Variants in PLEKHG1 observed in about 807,000 individuals in gnomAD.
PLEKHG1 encodes the protein pleckstrin homology domain-containing family G member 1.
In PLEKHG1, 44 loss-of-function variants were observed where a neutral mutation model predicts 100.8. The observed-to-expected ratio is 0.44, with a 90% CI of 0.34 to 0.56. The LOEUF (loss-of-function observed/expected upper bound fraction) is 0.56. PLEKHG1 is among the 20% of genes least tolerant of loss of function. PLEKHG1 has a pLI of 0.01. For missense variants in PLEKHG1, 1,545 were observed against 1,720.9 expected (o/e 0.90, Z 1.81); for synonymous variants, 640 against 662.5 (o/e 0.97, Z 0.52).
chr6:150,743,500 T>G (rs1782990337), intron 2 of PLEKHG1, among the ~76,000 whole-genome samples: 1 of 152,220 alleles, frequency 6.6e-6, no homozygotes, highest in Admixed American at 6.5e-5. Context: ...CACTCCAGCC[T>G]GGGCAACGGA....
exon 6 of PLEKHG1, chr6:150,800,725 G>A: frequency 6.2e-7 from 1 of 1,613,754 alleles, no homozygotes; most frequent in Non-Finnish European, 8.5e-7. Flanking sequence ...GCAGGTCCGT[G>A]GCTGTGCTAA....
intron 4 of PLEKHG1, among the ~76,000 whole-genome samples, chr6:150,788,275 C>T (rs1785752820): frequency 6.6e-6 from 1 of 152,218 alleles, no homozygotes; most frequent in South Asian, 2.1e-4. Context: ...GCCTGCCTTT[C>T]ACTCAGCAGC....
intron 1 of PLEKHG1, among the ~76,000 whole-genome samples, chr6:150,633,728 G>T (rs1484771818): frequency 6.6e-6 from 1 of 152,144 alleles, no homozygotes; most frequent in African/African-American, 2.4e-5. Context: ...AGATACTAAT[G>T]GCCGAGGGGA....
At chr6:150,839,976 A>G (rs1226890436) in exon 16 of PLEKHG1, 1 of 1,613,960 alleles carries the variant, frequency 6.2e-7, no homozygotes, top group South Asian at 1.1e-5. Context: ...CCACCATGGT[A>G]GTGGAGACTG....
In PLEKHG1 at chr6:150,600,034, C is replaced by A; in HGVS notation, c.-204+17C>A. On this transcript the variant is annotated intron_variant, in intron 1 of 3. Transcript: ENST00000367326. The surrounding 1 kb of genome is among the most constrained non-coding windows in gnomAD (Gnocchi z 6.2). ...CCTCCCCGGGTAAGCGCCGGTCGGG[C>A]CCGGACGCCCTGGGGACTTTTCCAG... 1 of 222,204 alleles carries A rather than the reference C, an allele frequency of 4.5e-6. No homozygotes were observed. Among genetic ancestry groups the A allele is most frequent in the South Asian group, 4.1e-5 (1 of 24,494 alleles). The allele number at this position is 222,204 out of a possible 1,614,324, so 13.8% of individuals were successfully genotyped here. A position where few individuals can be genotyped will look rare whatever the true frequency, so the allele number is the denominator to read the frequency against.
intron 4 of PLEKHG1, among the ~76,000 whole-genome samples, chr6:150,788,908 C>T (rs1022123866): frequency 6.6e-6 from 1 of 152,204 alleles, no homozygotes; most frequent in Non-Finnish European, 1.5e-5. Flanking sequence ...CACAAGCATG[C>T]ACATGTACCA....
In PLEKHG1 at chr6:150,821,297, AAAAT is replaced by A. The variant is rs1404920034; in HGVS notation, c.1447+74_1447+77del. On this transcript the variant is annotated intron_variant, in intron 13 of 15. Transcript: ENST00000358517. ...GATATTCACTAAATCAAACCACACA[AAAAT>A]AAATAAATACCAGATAAATTACATA... The A allele has an allele frequency of 5.7e-5, 57 of 1,000,336 alleles. No individual in the cohort carries two copies. In the Admixed American group the frequency reaches 7.7e-4, roughly 13 times the overall value. 62.0% of individuals were successfully genotyped at this position (1,000,336 alleles called of 1,614,324 possible).
At chr6:150,759,927 TC>T (rs1220777581) in intron 2 of PLEKHG1, among the ~76,000 whole-genome samples, 21 of 152,198 alleles carry the variant, frequency 1.4e-4, no homozygotes, top group Admixed American at 9.8e-4. Flanking sequence ...AGGCAGGATT[TC>T]CAGGTTGCAG....
Position 150,625,365 on chromosome 6 carries a change from T to A in PLEKHG1, c.-203-12715T>A, listed in dbSNP as rs1022570928. Reference sequence around the variant, plus strand: ...AGGCCTCCTTTGCTTGCAGATACTGTCTTCTCCCTGTGTCGTTACATGGTG... The same window carrying A: ...AGGCCTCCTTTGCTTGCAGATACTGACTTCTCCCTGTGTCGTTACATGGTG... On this transcript the variant is annotated intron_variant, in intron 1 of 3. Transcript: ENST00000367326. Among the ~76,000 whole-genome samples, 3 of 152,184 alleles carry A rather than the reference T, an allele frequency of 2.0e-5. 1 individual carries two copies. The South Asian group carries it at 6.2e-4, about 32-fold the overall frequency.
intron 2 of PLEKHG1, among the ~76,000 whole-genome samples, chr6:150,764,730 C>T (rs569581003): frequency 1.4e-3 from 212 of 152,224 alleles, no homozygotes; most frequent in Non-Finnish European, 2.5e-3. Context: ...TTCCTCCTTT[C>T]GCTGTGTTGA....
intron 1 of PLEKHG1, among the ~76,000 whole-genome samples, chr6:150,625,310 G>A (rs551623053): frequency 6.6e-6 from 1 of 152,050 alleles, no homozygotes; most frequent in Admixed American, 6.5e-5. Flanking sequence ...GTGTTAGCAG[G>A]GTTGTTTCTT....
intron 1 of PLEKHG1, among the ~76,000 whole-genome samples, chr6:150,628,575 C>CAT (rs1554253880): frequency 0.024 from 3,305 of 137,416 alleles, 166 homozygotes; most frequent in Non-Finnish European, 0.027. Context: ...CACACACACA[C>CAT]ACCCCGTCCT....
chr6:150,828,537 T>G (rs1241663599), intron 14 of PLEKHG1, among the ~76,000 whole-genome samples: 2 of 152,170 alleles, frequency 1.3e-5, no homozygotes, highest in Non-Finnish European at 2.9e-5. Flanking sequence ...TTGCTGGAGA[T>G]TCTGTTAAAT....
intron 3 of PLEKHG1, among the ~76,000 whole-genome samples, chr6:150,713,229 G>A (rs1781300971): frequency 6.6e-6 from 1 of 152,114 alleles, no homozygotes. Context: ...TAAGGCCATT[G>A]TAATACTGAT....
intron 3 of PLEKHG1, among the ~76,000 whole-genome samples, chr6:150,782,343 G>A (rs887383557): frequency 3.9e-5 from 6 of 152,022 alleles, no homozygotes; most frequent in African/African-American, 7.2e-5. Flanking sequence ...ACAGTGAGCC[G>A]AAATCACGTC....
At chr6:150,611,811 C>CAAAAAAAAA (rs35351890) in intron 1 of PLEKHG1, among the ~76,000 whole-genome samples, 24 of 121,556 alleles carry the variant, frequency 2.0e-4, no homozygotes, top group South Asian at 5.2e-4. Flanking sequence ...GACTCCATCT[C>CAAAAAAAAA]AAAAAAAAAA....
intron 10 of PLEKHG1, among the ~76,000 whole-genome samples, chr6:150,810,447 C>T (rs1292659811): frequency 2.1e-5 from 3 of 143,078 alleles, no homozygotes; most frequent in African/African-American, 7.8e-5. Context: ...TTAGTAGAGA[C>T]AGCAAGACCC....
intron 2 of PLEKHG1, among the ~76,000 whole-genome samples, chr6:150,747,187 A>G (rs1783209164): frequency 6.6e-6 from 1 of 152,246 alleles, no homozygotes; most frequent in African/African-American, 2.4e-5. Context: ...CTGAGTGGGT[A>G]GAAAATTATA....
chr6:150,654,781 G>A (rs1412075034), intron 3 of PLEKHG1, among the ~76,000 whole-genome samples: 1 of 152,208 alleles, frequency 6.6e-6, no homozygotes, highest in East Asian at 1.9e-4. Flanking sequence ...AGAATGATTG[G>A]TGGCTATAGC....
Sources: allele counts gnomAD v4.1 joint callset (sites outside exome capture counted in the v4.1 genomes callset), GRCh38; gene constraint gnomAD v4.1.1; non-coding constraint Gnocchi (gnomAD v3.1); transcripts MANE v1.5; gene names NCBI Gene and HGNC (gene_info 2026-07-23, HGNC 2026-07-21).